Variants in ATP2C2 observed in about 807,000 individuals in gnomAD.
ATP2C2 encodes calcium-transporting ATPase type 2C member 2.
ATP2C2 carries 171 observed loss-of-function variants against 110.8 expected under a neutral mutation model. That is an observed-to-expected ratio of 1.54 (90% CI 1.36 to 1.75). ATP2C2 has a LOEUF of 1.75. Ranked by LOEUF, ATP2C2 falls within the 40% of genes most tolerant of loss-of-function variation. ATP2C2 has a pLI of 0.00. For missense variants in ATP2C2, 1,963 were observed against 1,235.0 expected (o/e 1.59, Z -8.84); for synonymous variants, 804 against 508.4 (o/e 1.58, Z -7.82).
chr16:84,423,679 G>A (rs1907556161), intron 10 of ATP2C2, among the ~76,000 whole-genome samples: 1 of 152,202 alleles, frequency 6.6e-6, no homozygotes, highest in Admixed American at 6.5e-5. Flanking sequence ...AAACATGGAG[G>A]CTTGTGGAGG....
chr16:84,394,434 ACT>A (rs1442733788), intron 1 of ATP2C2, among the ~76,000 whole-genome samples: 6 of 151,894 alleles, frequency 4.0e-5, no homozygotes, highest in Non-Finnish European at 8.8e-5. Flanking sequence ...CTATGAGTGG[ACT>A]CACATACCGT....
intron 1 of ATP2C2, among the ~76,000 whole-genome samples, chr16:84,387,945 A>G (rs1424725218): frequency 1.3e-5 from 2 of 149,922 alleles, no homozygotes; most frequent in African/African-American, 4.9e-5. Context: ...TTTTTAATAG[A>G]AGCACCTGGG....
intron 26 of ATP2C2, 30 bp downstream of exon 26, chr16:84,462,159 A>C: frequency 1.3e-6 from 2 of 1,598,508 alleles, no homozygotes; most frequent in South Asian, 1.1e-5. Context: ...ACGACAGGTG[A>C]CCTCGACCAG....
At chr16:84,420,105 G>A (rs188185324) in intron 7 of ATP2C2, among the ~76,000 whole-genome samples, 1 of 152,122 alleles carries the variant, frequency 6.6e-6, no homozygotes, top group African/African-American at 2.4e-5. Flanking sequence ...TCATCCCGGA[G>A]GTCTCTGCTC....
intron 24 of ATP2C2, 187 bp downstream of exon 24, chr16:84,460,988 A>C: frequency 1.2e-6 from 1 of 801,112 alleles, no homozygotes; most frequent in Non-Finnish European, 1.8e-6. Flanking sequence ...CCTTGAAAGA[A>C]GGGAGGTCGC....
intron 11 of ATP2C2, among the ~76,000 whole-genome samples, chr16:84,432,062 C>T (rs996176070): frequency 3.3e-5 from 5 of 152,032 alleles, no homozygotes; most frequent in African/African-American, 7.2e-5. Context: ...CCTGGATGGC[C>T]GCTCCCCCAA....
Position 84,450,095 on chromosome 16 carries a change from C to T in ATP2C2, c.1660+1406C>T, listed in dbSNP as rs928755318. 2.0e-5 allele frequency among the ~76,000 whole-genome samples: 3 copies of T among 152,222 alleles called. 1 individual carries two copies. The highest frequency in any genetic ancestry group is 1.9e-4 in the East Asian group (1 of 5,200). On this transcript the variant is annotated intron_variant, in intron 17 of 26. Coordinates refer to ENST00000262429, the MANE Select transcript of ATP2C2 (RefSeq NM_014861.4). Reference sequence around the variant, plus strand: ...ACTTGCTCCAGGCCTTGCGGGAGAGCGTAATGAGAACGGGTCAGTGGCGGA... The same window carrying T: ...ACTTGCTCCAGGCCTTGCGGGAGAGTGTAATGAGAACGGGTCAGTGGCGGA...
At chr16:84,448,751 C>G in intron 17 of ATP2C2, 62 bp downstream of exon 17, 1 of 1,546,996 alleles carries the variant, frequency 6.5e-7, no homozygotes, top group African/African-American at 1.4e-5. Context: ...CTTTTAAGTG[C>G]ATTCAAGCAG....
chr16:84,377,990 G>A (rs1402458042), intron 1 of ATP2C2, among the ~76,000 whole-genome samples: 1 of 152,122 alleles, frequency 6.6e-6, no homozygotes, highest in East Asian at 1.9e-4. Flanking sequence ...GGAGAGAAGA[G>A]AGCTCAGCAG....
At chr16:84,414,503 A>G (rs140456679) in intron 6 of ATP2C2, among the ~76,000 whole-genome samples, 160 of 152,220 alleles carry the variant, frequency 1.1e-3, no homozygotes, top group African/African-American at 3.7e-3. Context: ...CAGTAAGGAA[A>G]TCTTTTCCCA....
intron 1 of ATP2C2, among the ~76,000 whole-genome samples, chr16:84,390,636 GA>G (rs1904598559): frequency 6.6e-6 from 1 of 152,154 alleles, no homozygotes; most frequent in Admixed American, 6.5e-5. Flanking sequence ...AGGGCGTGGG[GA>G]GTGCCTGCTT....
chr16:84,437,163 A>G (rs1048025125), intron 11 of ATP2C2, among the ~76,000 whole-genome samples: 19 of 152,194 alleles, frequency 1.2e-4, no homozygotes, highest in South Asian at 2.1e-4. Flanking sequence ...AGAGATATAC[A>G]CAGCCGTCAC....
intron 2 of ATP2C2, among the ~76,000 whole-genome samples, chr16:84,399,855 C>T (rs1402717739): frequency 6.6e-6 from 1 of 152,142 alleles, no homozygotes. Context: ...AATACTAGGT[C>T]TTATTTATTC....
At chr16:84,430,031 T>C (rs1908128458) in intron 11 of ATP2C2, among the ~76,000 whole-genome samples, 1 of 152,182 alleles carries the variant, frequency 6.6e-6, no homozygotes, top group African/African-American at 2.4e-5. Context: ...CTTCTCTTCT[T>C]TTTATAAGGA....
chr16:84,382,008 A>G (rs1313589765), intron 1 of ATP2C2, among the ~76,000 whole-genome samples: 1 of 152,074 alleles, frequency 6.6e-6, no homozygotes, highest in African/African-American at 2.4e-5. Context: ...TTTTTTTCTT[A>G]AAGTTCTGGG....
chr16:84,395,919 C>G (rs1904945255), intron 1 of ATP2C2, among the ~76,000 whole-genome samples: 1 of 152,128 alleles, frequency 6.6e-6, no homozygotes, highest in Non-Finnish European at 1.5e-5. Context: ...GCAACCATCA[C>G]CAATATTTGC....
chr16:84,380,375 T>C (rs1287678267), intron 1 of ATP2C2, among the ~76,000 whole-genome samples: 1 of 152,234 alleles, frequency 6.6e-6, no homozygotes, highest in Non-Finnish European at 1.5e-5. Context: ...CCTTTTTCCT[T>C]CCTTCTTTTC....
chr16:84,451,843 C>T, intron 17 of ATP2C2, 78 bp from the exon 18 acceptor site: 1 of 614,798 alleles, frequency 1.6e-6, no homozygotes, highest in South Asian at 2.1e-5. Flanking sequence ...TCTTAAAAAA[C>T]AACAACAACA....
chr16:84,399,951 C>G (rs1165384276), intron 2 of ATP2C2, among the ~76,000 whole-genome samples: 1 of 152,200 alleles, frequency 6.6e-6, no homozygotes, highest in African/African-American at 2.4e-5. Context: ...CCTACTATCT[C>G]CATGAGTTCA....
Sources: allele counts gnomAD v4.1 joint callset (sites outside exome capture counted in the v4.1 genomes callset), GRCh38; gene constraint gnomAD v4.1.1; transcripts MANE v1.5; gene names NCBI Gene and HGNC (gene_info 2026-07-23, HGNC 2026-07-21).